Variants in ABLIM1 observed in about 807,000 individuals in gnomAD.
The protein encoded by ABLIM1 is actin-binding LIM protein 1.
A neutral mutation model predicts 107.0 loss-of-function variants in ABLIM1; 40 were observed. The observed-to-expected ratio is 0.37, with a 90% CI of 0.29 to 0.49. ABLIM1 has a LOEUF of 0.49. Among genes scored for constraint, ABLIM1 ranks in the 20% least tolerant of loss-of-function variants. The pLI is 0.97. For missense variants in ABLIM1, 857 were observed against 1,008.5 expected (o/e 0.85, Z 2.04); for synonymous variants, 357 against 357.3 (o/e 1.00, Z 0.01).
chr10:114,796,394 T>A, the ABLIM1 span, among the ~76,000 whole-genome samples: 1 of 152,156 alleles, frequency 6.6e-6, no homozygotes, highest in African/African-American at 2.4e-5. Context: ...GAGGCTTCAG[T>A]TCCTTGCCAT....
chr10:114,559,174 A>C (rs995957970), intron 4 of ABLIM1, among the ~76,000 whole-genome samples: 2 of 152,148 alleles, frequency 1.3e-5, no homozygotes, highest in African/African-American at 4.8e-5. Context: ...CTGAAATCAA[A>C]AGAAGGGTTC....
At chr10:114,477,163 T>C (rs1031719774) in intron 8 of ABLIM1, among the ~76,000 whole-genome samples, 1 of 152,222 alleles carries the variant, frequency 6.6e-6, no homozygotes, top group Admixed American at 6.5e-5. Context: ...TTTTGCTGTA[T>C]TGCAGGGCAA....
At chr10:114,557,731 T>C (rs2068971290) in intron 4 of ABLIM1, among the ~76,000 whole-genome samples, 1 of 145,742 alleles carries the variant, frequency 6.9e-6, no homozygotes, top group Admixed American at 7.2e-5. Flanking sequence ...GTCTTAAAGC[T>C]TGAGAGTTAG....
intron 2 of ABLIM1, among the ~76,000 whole-genome samples, chr10:114,578,422 T>C (rs1302324736): frequency 1.3e-5 from 2 of 152,032 alleles, no homozygotes; most frequent in East Asian, 3.8e-4. Context: ...TTTTTTTTTT[T>C]TGAGATGGAG....
chr10:114,709,118 T>C (rs1213904576), intron 1 of ABLIM1, among the ~76,000 whole-genome samples: 3 of 152,192 alleles, frequency 2.0e-5, no homozygotes, highest in Non-Finnish European at 2.9e-5. Flanking sequence ...TACTGCAAAT[T>C]GTGGAAATGA....
intron 16 of ABLIM1, among the ~76,000 whole-genome samples, chr10:114,444,565 GAAGAA>G (rs1421207035): frequency 2.6e-5 from 4 of 151,954 alleles, no homozygotes; most frequent in African/African-American, 9.7e-5. Context: ...GGAAAATCTA[GAAGAA>G]AAGAAGAGTA....
chr10:114,494,532 C>T (rs1254685653), intron 6 of ABLIM1, among the ~76,000 whole-genome samples: 1 of 152,072 alleles, frequency 6.6e-6, no homozygotes, highest in Non-Finnish European at 1.5e-5. Context: ...AAGAGTCCAT[C>T]TCAAAAGCAA....
At chr10:114,644,494 T>C (rs982047812) in intron 1 of ABLIM1, among the ~76,000 whole-genome samples, 1 of 151,670 alleles carries the variant, frequency 6.6e-6, no homozygotes, top group Non-Finnish European at 1.5e-5. Context: ...AATCATTGCC[T>C]AGGTGTAATG....
chr10:114,741,687 C>G (rs1479623734), intron 1 of ABLIM1, among the ~76,000 whole-genome samples: 4 of 152,160 alleles, frequency 2.6e-5, no homozygotes, highest in Non-Finnish European at 4.4e-5. Flanking sequence ...CCCTCTACCC[C>G]TCCTCAAAAT....
chr10:114,593,515 A>G (rs77330698), intron 2 of ABLIM1, among the ~76,000 whole-genome samples: 5,260 of 152,236 alleles, frequency 0.035, 141 homozygotes, highest in Non-Finnish European at 0.049. Flanking sequence ...GGGTTTGTAT[A>G]AGAGCTGAGG....
chr10:114,790,499 T>G, the ABLIM1 span, among the ~76,000 whole-genome samples: 1,325 of 152,324 alleles, frequency 8.7e-3, 15 homozygotes, highest in African/African-American at 0.023. Flanking sequence ...TTTGGCTATA[T>G]AATTTTCAAG....
At chr10:114,521,783 A>G (rs911548532) in intron 6 of ABLIM1, among the ~76,000 whole-genome samples, 1 of 152,036 alleles carries the variant, frequency 6.6e-6, no homozygotes, top group Non-Finnish European at 1.5e-5. Context: ...TTTCGGGGAT[A>G]TGATAGTACC....
chr10:114,497,782 T>TC (rs1218550628), intron 6 of ABLIM1, among the ~76,000 whole-genome samples: 1 of 151,470 alleles, frequency 6.6e-6, no homozygotes. Context: ...AGCATGAAAC[T>TC]CTATGAACAA....
chr10:114,730,086 C>T (rs2082040455), intron 1 of ABLIM1, among the ~76,000 whole-genome samples: 1 of 152,048 alleles, frequency 6.6e-6, no homozygotes. Flanking sequence ...AATGCTGTTT[C>T]CTATAATGAA....
intron 1 of ABLIM1, among the ~76,000 whole-genome samples, chr10:114,639,082 C>A (rs551801811): frequency 6.6e-6 from 1 of 152,312 alleles, no homozygotes; most frequent in East Asian, 1.9e-4. Context: ...ATAATAAATT[C>A]TCCTAATTAT....
At chr10:114,761,789 C>T (rs767956845) in intron 1 of ABLIM1, among the ~76,000 whole-genome samples, 40 of 152,128 alleles carry the variant, frequency 2.6e-4, no homozygotes, top group Non-Finnish European at 5.1e-4. Context: ...CTCACCATGC[C>T]ACTTCTTTTC....
intron 6 of ABLIM1, among the ~76,000 whole-genome samples, chr10:114,516,445 A>C (rs1269870352): frequency 6.6e-6 from 1 of 152,102 alleles, no homozygotes; most frequent in African/African-American, 2.4e-5. Flanking sequence ...AACAGCTTGA[A>C]CTGGGGAGAC....
intron 1 of ABLIM1, among the ~76,000 whole-genome samples, chr10:114,717,063 T>C (rs1486375267): frequency 2.0e-5 from 3 of 152,036 alleles, no homozygotes; most frequent in African/African-American, 7.2e-5. Flanking sequence ...CATTCATTCA[T>C]TCAACCAATG....
chr10:114,675,725 T>C (rs1276326084), intron 1 of ABLIM1, among the ~76,000 whole-genome samples: 1 of 152,222 alleles, frequency 6.6e-6, no homozygotes, highest in Non-Finnish European at 1.5e-5. Flanking sequence ...TATCGTAGAC[T>C]GGGTGGCTTA....
Sources: allele counts gnomAD v4.1 joint callset (sites outside exome capture counted in the v4.1 genomes callset), GRCh38; gene constraint gnomAD v4.1.1; transcripts MANE v1.5; gene names NCBI Gene and HGNC (gene_info 2026-07-23, HGNC 2026-07-21).